The following DNAH5 variants were observed in gnomAD, a reference collection of about 807,000 sequenced individuals.
DNAH5 encodes axonemal beta dynein heavy chain 5.
In DNAH5, 372 loss-of-function variants were observed where a neutral mutation model predicts 518.2. That is an observed-to-expected ratio of 0.72 (90% CI 0.66 to 0.78). The LOEUF (loss-of-function observed/expected upper bound fraction) is 0.78. Ranked by LOEUF, DNAH5 falls within the 30% of genes least tolerant of loss-of-function variation. DNAH5 has a pLI of 0.00. For missense variants in DNAH5, 5,523 were observed against 5,687.0 expected, an observed-to-expected ratio of 0.97 and a Z score of 0.93; for synonymous variants, 2,039 against 2,025.9, an observed-to-expected ratio of 1.01 and a Z score of -0.17.
chr5:13,919,812 A>C (rs1344389340), intron 6 of DNAH5, among the ~76,000 whole-genome samples: 2 of 152,232 alleles, frequency 1.3e-5, no homozygotes, highest in Non-Finnish European at 1.5e-5. Context: ...AGATTGGTGC[A>C]AAAGTAATTA....
At chr5:13,919,419 C>T in intron 6 of DNAH5, 67 bp from the exon 7 acceptor site, 2 of 1,557,488 alleles carry the variant, frequency 1.3e-6, no homozygotes, top group Non-Finnish European at 1.7e-6. Context: ...TATAAACAAG[C>T]AAAAAACAAA....
At chr5:13,886,996 C>T (rs1000556910) in intron 17 of DNAH5, among the ~76,000 whole-genome samples, 3 of 152,212 alleles carry the variant, frequency 2.0e-5, no homozygotes, top group African/African-American at 7.2e-5. Flanking sequence ...CAAACATCCA[C>T]AGGACCTAAA....
chr5:13,881,416 C>T lies in DNAH5; in HGVS notation c.3262+1312G>A, dbSNP rs555169647. The stretch of plus-strand genomic sequence containing the variant: ...TAGACACAAAATGAGTCTTAACAAA[C>T]TTAAGATCAAATTACAACAAATTTG... On this transcript the variant is annotated intron_variant, in intron 21 of 78. Transcript: ENST00000265104. Among the ~76,000 whole-genome samples, 232 of 152,054 alleles carry T rather than the reference C, an allele frequency of 1.5e-3. 2 individuals carry two copies. Among genetic ancestry groups the T allele is most frequent in the African/African-American group, 5.4e-3 (224 of 41,546 alleles).
At chr5:13,954,991 T>C (rs531660865) in intron 1 of DNAH5, among the ~76,000 whole-genome samples, 1 of 152,276 alleles carries the variant, frequency 6.6e-6, no homozygotes, top group East Asian at 1.9e-4. Context: ...GACCACACAA[T>C]CAACGCGAAG....
intron 2 of DNAH5, among the ~76,000 whole-genome samples, chr5:13,929,140 A>G (rs1778173033): frequency 6.6e-6 from 1 of 152,240 alleles, no homozygotes; most frequent in Non-Finnish European, 1.5e-5. Flanking sequence ...ACAAGGGAAT[A>G]TAATCCAGCC....
Position 13,865,787 on chromosome 5 carries a change from T to C in DNAH5, c.4236A>G (p.Leu1412=), listed in dbSNP as rs756154887. 3 of 1,613,172 alleles carry C rather than the reference T, an allele frequency of 1.9e-6. No individual in the cohort carries two copies. Among genetic ancestry groups the C allele is most frequent in the East Asian group, 2.2e-5 (1 of 44,854 alleles). The part of the protein sequence containing the change: ...LLEIKKQLNL[L]QKIYTLYNSV... ...TGTTGTACAGAGTATATATTTTCTGTAGAAGATTTAGTTGCTTCTTTATTT... is the reference window on the plus strand; with the variant it reads ...TGTTGTACAGAGTATATATTTTCTGCAGAAGATTTAGTTGCTTCTTTATTT... The change falls in exon 27 of 79, where the codon CTA becomes CTG. Residue 1412 remains leucine (L), a synonymous_variant. Transcript: ENST00000265104.
chr5:13,948,491 TGGAGAAG>T (rs1041977157), upstream of DNAH5, among the ~76,000 whole-genome samples: 1 of 152,066 alleles, frequency 6.6e-6, no homozygotes, highest in Non-Finnish European at 1.5e-5. Flanking sequence ...AGGAAACTTT[TGGAGAAG>T]GGAGAATTTA....
At chr5:13,766,244 T>A in intron 58 of DNAH5, 65 bp from the exon 59 acceptor site, 1 of 1,553,962 alleles carries the variant, frequency 6.4e-7, no homozygotes, top group African/African-American at 1.4e-5. Flanking sequence ...AAACCTTGCA[T>A]GTCCAAATGC....
intron 52 of DNAH5, among the ~76,000 whole-genome samples, chr5:13,782,692 C>T (rs4701984): frequency 0.56 from 84,546 of 151,992 alleles, 23,624 homozygotes; most frequent in South Asian, 0.59. Context: ...TTAAGGAATC[C>T]TCATCCCAAA....
chr5:13,870,627 CG>C (rs1769949860), intron 24 of DNAH5, 139 bp downstream of exon 24: 1 of 818,424 alleles, frequency 1.2e-6, no homozygotes, highest in African/African-American at 1.7e-5. Context: ...TATAGGGGTT[CG>C]GTATCATCAA....
intron 1 of DNAH5, among the ~76,000 whole-genome samples, chr5:13,931,798 C>T (rs908580505): frequency 6.6e-6 from 1 of 152,208 alleles, no homozygotes; most frequent in East Asian, 1.9e-4. Flanking sequence ...TTTCCTTATA[C>T]TGTATGATCA....
chr5:13,966,724 C>T (rs1242175191), intron 1 of DNAH5, among the ~76,000 whole-genome samples: 3 of 151,944 alleles, frequency 2.0e-5, no homozygotes, highest in Non-Finnish European at 2.9e-5. Flanking sequence ...TTTTTCTTGC[C>T]GATTTGTTCG....
chr5:13,886,173 G>A (rs1772413399), intron 17 of DNAH5, 44 bp from the exon 18 acceptor site: 1 of 1,533,192 alleles, frequency 6.5e-7, no homozygotes, highest in African/African-American at 1.4e-5. Flanking sequence ...AGTGGTATAT[G>A]GTTTATCTAG....
intron 38 of DNAH5, 118 bp downstream of exon 38, chr5:13,829,392 C>T (rs1034352509): frequency 7.4e-6 from 7 of 951,158 alleles, no homozygotes; most frequent in Non-Finnish European, 1.2e-5. Context: ...CCTTTCTACT[C>T]AGTGTCAATA....
Position 13,700,914 on chromosome 5 carries a change from G to A in DNAH5, c.13492-43C>T, listed in dbSNP as rs752788539. On this transcript the variant is annotated intron_variant, in intron 77 of 78. Coordinates refer to ENST00000265104, the MANE Select transcript of DNAH5 (RefSeq NM_001369.3). ...AGATGAATGGAGCGGTTAGAGGTTT[G>A]TCTTAATAGAAAGAGCATAACAATA... The A allele has an allele frequency of 3.8e-6, 6 of 1,583,784 alleles. No individual in the cohort carries two copies. In the East Asian group the frequency reaches 1.1e-4, roughly 30 times the overall value.
In DNAH5 at chr5:13,824,243, T is replaced by A; in HGVS notation, c.6535A>T (p.Thr2179Ser). The A allele has an allele frequency of 6.2e-7, 1 of 1,614,164 alleles. No individual in the cohort carries two copies. The highest frequency in any genetic ancestry group is 8.5e-7 in the Non-Finnish European group (1 of 1,179,994). The change falls in exon 39 of 79, where the codon ACG becomes TCG. Residue 2179 changes from threonine to serine, a missense_variant. Thr to Ser is a moderately conservative substitution (Grantham distance 58, BLOSUM62 1). Transcript: ENST00000265104. Reference protein sequence around the residue: ...KRANPMDTESTIVMRVLRDMN... With the variant: ...KRANPMDTESSIVMRVLRDMN... ...TCCCGTAGTACACGCATGACAATCG[T>A]GGACTCCGTATCCATTGGATTGGCT...
chr5:13,954,255 C>T (rs1019477026), intron 1 of DNAH5, among the ~76,000 whole-genome samples: 5 of 152,074 alleles, frequency 3.3e-5, no homozygotes, highest in African/African-American at 1.2e-4. Flanking sequence ...CACTTCCTTC[C>T]CAGAAAGAGC....
intron 11 of DNAH5, among the ~76,000 whole-genome samples, chr5:13,912,984 T>G (rs1776195342): frequency 1.3e-5 from 2 of 152,038 alleles, no homozygotes; most frequent in East Asian, 3.9e-4. Context: ...ACTCAGGAAA[T>G]GAAAAAGATT....
intron 15 of DNAH5, 35 bp from the exon 16 acceptor site, chr5:13,894,856 A>G: frequency 6.2e-7 from 1 of 1,602,596 alleles, no homozygotes; most frequent in Non-Finnish European, 8.5e-7. Flanking sequence ...ATCAATTAAT[A>G]TCTCACTTCT....
Sources: gnomAD v4.1 joint callset for allele counts (sites outside exome capture counted in the v4.1 genomes callset) on GRCh38, gnomAD v4.1.1 for gene constraint, MANE v1.5 for transcripts, NCBI Gene and HGNC (gene_info 2026-07-23, HGNC 2026-07-21) for gene names.